Variants in PLCL2 observed in about 807,000 individuals in gnomAD.
PLCL2 encodes inactive phospholipase C-like protein 2.
PLCL2 carries 4 observed loss-of-function variants against 79.6 expected under a neutral mutation model. That is an observed-to-expected ratio of 0.05 (90% CI 0.02 to 0.11). PLCL2 has a LOEUF of 0.11. Ranked by LOEUF, PLCL2 falls within the 10% of genes least tolerant of loss-of-function variation. PLCL2 has a pLI of 1.00. For missense variants in PLCL2, 895 were observed against 1,291.0 expected, an observed-to-expected ratio of 0.69 and a Z score of 4.70; for synonymous variants, 484 against 457.7, an observed-to-expected ratio of 1.06 and a Z score of -0.73.
chr3:17,043,080 A>G (rs2064742948), intron 4 of PLCL2, 131 bp downstream of exon 4: 1 of 641,860 alleles, frequency 1.6e-6, no homozygotes, highest in Non-Finnish European at 2.8e-6. Flanking sequence ...ATGGCTAAAG[A>G]AAATACCAAT....
chr3:16,915,764 C>T (rs1181406351), intron 1 of PLCL2, among the ~76,000 whole-genome samples: 7 of 152,072 alleles, frequency 4.6e-5, no homozygotes, highest in Non-Finnish European at 8.8e-5. Flanking sequence ...TGGGTCAGGC[C>T]AGGTTTCACA....
At chr3:17,002,675 A>G (rs1187947711) in intron 1 of PLCL2, among the ~76,000 whole-genome samples, 3 of 152,034 alleles carry the variant, frequency 2.0e-5, no homozygotes, top group Non-Finnish European at 4.4e-5. Context: ...ATCTCTTCAA[A>G]TATTTTGTTG....
At chr3:17,086,913 A>G (rs2065225637) in intron 5 of PLCL2, among the ~76,000 whole-genome samples, 1 of 152,236 alleles carries the variant, frequency 6.6e-6, no homozygotes, top group Non-Finnish European at 1.5e-5. Context: ...TTAGCATCAC[A>G]TGTCACTAGG....
chr3:16,976,387 C>T (rs1267388851), intron 1 of PLCL2, among the ~76,000 whole-genome samples: 1 of 152,156 alleles, frequency 6.6e-6, no homozygotes, highest in East Asian at 1.9e-4. Context: ...AGGCTGGAAA[C>T]TCAGGAAGAT....
At chr3:17,057,782 C>A (rs2064905847) in intron 4 of PLCL2, among the ~76,000 whole-genome samples, 1 of 152,216 alleles carries the variant, frequency 6.6e-6, no homozygotes, top group African/African-American at 2.4e-5. Context: ...TTTGTTTGTT[C>A]ATAACGTTTC....
In PLCL2 at chr3:17,082,149, T is replaced by G. The variant is rs571861269; in HGVS notation, c.3205-7584T>G. Among the ~76,000 whole-genome samples, 183 of 149,360 alleles carry G rather than the reference T, an allele frequency of 1.2e-3. 1 individual carries two copies. Among genetic ancestry groups the G allele is most frequent in the African/African-American group, 4.2e-3 (170 of 40,630 alleles). On this transcript the variant is annotated intron_variant, in intron 5 of 5. Transcript: ENST00000615277. ...CCCACCTCTTTCAGAGTTTTTTTTT[T>G]TTTTTTTTTTTGAGACAGAGTTTTG...
chr3:17,009,137 A>T lies in PLCL2; in HGVS notation c.328-537A>T, dbSNP rs1321864915. On this transcript the variant is annotated intron_variant, in intron 1 of 5. Coordinates refer to ENST00000615277, the MANE Select transcript of PLCL2 (RefSeq NM_001144382.2). The surrounding 1 kb of genome is among the most constrained non-coding windows in gnomAD (Gnocchi z 4.0). ...GTAGGTGGGATTACAGGCACCCGCC[A>T]CCATGCCCGGCTAATTTTTGTATTT... Among the ~76,000 whole-genome samples the T allele has an allele frequency of 1.3e-5, 2 of 151,988 alleles. No individual in the cohort carries two copies. The highest frequency in any genetic ancestry group is 1.3e-4 in the Admixed American group (2 of 15,268).
In PLCL2 at chr3:16,887,113, A is replaced by G. The variant is rs529896988; in HGVS notation, c.327+1747A>G. Among the ~76,000 whole-genome samples, 6 of 152,346 alleles carry G rather than the reference A, an allele frequency of 3.9e-5. No homozygotes were observed. Among genetic ancestry groups the G allele is most frequent in the Non-Finnish European group, 5.9e-5 (4 of 68,030 alleles). On this transcript the variant is annotated intron_variant, in intron 1 of 5. Transcript: ENST00000615277. This position sits in a 1 kb window ranked among gnomAD's most constrained non-coding sequence, Gnocchi z 4.1. Reference sequence around the variant, plus strand: ...TGATATATGGAATTGGGAACTTGTCAATAGATACCATTTCTTAATTGAAGG... The same window carrying G: ...TGATATATGGAATTGGGAACTTGTCGATAGATACCATTTCTTAATTGAAGG...
chr3:16,897,118 A>G (rs1696501251), intron 1 of PLCL2, among the ~76,000 whole-genome samples: 2 of 152,070 alleles, frequency 1.3e-5, no homozygotes, highest in South Asian at 4.2e-4. Flanking sequence ...TTAAACCTTA[A>G]CTTGCCGCGG....
rs369759930 is a variant in PLCL2 at position 16,957,360 on chromosome 3, A to G, written c.328-52314A>G. Reference sequence around the variant, plus strand: ...GGTTTTGAGTGAGTTTCTTAATCCTAAGTTCTAGTTTGATTGCACTGTGGT... The same window carrying G: ...GGTTTTGAGTGAGTTTCTTAATCCTGAGTTCTAGTTTGATTGCACTGTGGT... On this transcript the variant is annotated intron_variant, in intron 1 of 5. Coordinates refer to ENST00000615277, the MANE Select transcript of PLCL2 (RefSeq NM_001144382.2). Among the ~76,000 whole-genome samples, 80 of 151,434 alleles carry G rather than the reference A, an allele frequency of 5.3e-4. 1 individual carries two copies. The highest frequency in any genetic ancestry group is 1.6e-3 in the African/African-American group (64 of 41,108).
rs550111330 is a variant in PLCL2 at position 16,907,220 on chromosome 3, G to A, written c.327+21854G>A. ...TGTCAGTTTATAGTTTAAACTTTCC[G>A]GTGTTTTTCATGATAGTCTAAAAAA... On this transcript the variant is annotated intron_variant, in intron 1 of 5. Transcript: ENST00000615277. Among the ~76,000 whole-genome samples the A allele has an allele frequency of 3.9e-5, 6 of 152,080 alleles. No individual in the cohort carries two copies. In the East Asian group the frequency reaches 5.8e-4, roughly 15 times the overall value.
intron 4 of PLCL2, among the ~76,000 whole-genome samples, chr3:17,047,268 G>A (rs1172607457): frequency 6.6e-6 from 1 of 152,264 alleles, no homozygotes; most frequent in Admixed American, 6.5e-5. Context: ...CAAGGCCTGG[G>A]AGAGTGTTAG....
intron 4 of PLCL2, among the ~76,000 whole-genome samples, chr3:17,059,981 A>T (rs1575609661): frequency 6.6e-6 from 1 of 152,186 alleles, no homozygotes; most frequent in East Asian, 1.9e-4. Context: ...GAAAGTGGCG[A>T]TCCAAACAAA....
Position 17,071,583 on chromosome 3 carries a change from T to C in PLCL2, c.3204+3518T>C, listed in dbSNP as rs1007169509. ...CGTAGGTGACTTTATTCCAGGAACC[T>C]TTCTATATGAATATGTCTGGATGGA... On this transcript the variant is annotated intron_variant, in intron 5 of 5. Transcript: ENST00000615277. Among the ~76,000 whole-genome samples, 41 of 152,198 alleles carry C rather than the reference T, an allele frequency of 2.7e-4. 1 individual carries two copies. The highest frequency in any genetic ancestry group is 2.2e-3 in the Admixed American group (34 of 15,276).
intron 1 of PLCL2, among the ~76,000 whole-genome samples, chr3:17,000,972 A>G (rs751651858): frequency 2.0e-5 from 3 of 152,014 alleles, no homozygotes; most frequent in Non-Finnish European, 4.4e-5. Context: ...TGGTAGTTCT[A>G]TTTTTAGCTT....
At position 17,058,995 on chromosome 3, in the gene PLCL2, C is replaced by T. The variant is rs1342303458; in HGVS notation, c.3095-8961C>T. 7.9e-5 allele frequency among the ~76,000 whole-genome samples: 12 copies of T among 152,108 alleles called. No homozygotes were observed. In the East Asian group the frequency reaches 1.7e-3, roughly 22 times the overall value. ...AATTGGGTCCATATATAGGGAAGCC[C>T]GTATGGCAGTAAATTTCAGAATTTC... On this transcript the variant is annotated intron_variant, in intron 4 of 5. Transcript: ENST00000615277.
intron 2 of PLCL2, among the ~76,000 whole-genome samples, chr3:17,014,074 A>T (rs1380760234): frequency 6.6e-6 from 1 of 152,188 alleles, no homozygotes; most frequent in Non-Finnish European, 1.5e-5. Flanking sequence ...TTTAATGGGT[A>T]TTTAAATGGC....
chr3:17,052,802 T>A (rs1300723275), intron 4 of PLCL2, among the ~76,000 whole-genome samples: 1 of 152,178 alleles, frequency 6.6e-6, no homozygotes, highest in African/African-American at 2.4e-5. Context: ...GTAAATACAT[T>A]TTCTCTTCCT....
Position 17,053,292 on chromosome 3 carries a change from A to G in PLCL2, c.3094+10343A>G, listed in dbSNP as rs563403395. ...TGAAGGAGAAGCAGGCCCATCTTAC[A>G]TGGCTGGAGCAGGAGGGTTGGAGGA... is the stretch of plus-strand genomic sequence containing the variant. On this transcript the variant is annotated intron_variant, in intron 4 of 5. Coordinates refer to ENST00000615277, the MANE Select transcript of PLCL2 (RefSeq NM_001144382.2). Among the ~76,000 whole-genome samples, 10 of 152,238 alleles carry G rather than the reference A, an allele frequency of 6.6e-5. No homozygotes were observed. The South Asian group carries it at 8.3e-4, about 13-fold the overall frequency.
Sources: allele counts gnomAD v4.1 joint callset (sites outside exome capture counted in the v4.1 genomes callset), GRCh38; gene constraint gnomAD v4.1.1; non-coding constraint Gnocchi (gnomAD v3.1); transcripts MANE v1.5; gene names NCBI Gene and HGNC (gene_info 2026-07-23, HGNC 2026-07-21).